PRIMPOL: variants seen among roughly 807,000 people sequenced by gnomAD.
The protein encoded by PRIMPOL is primase and DNA directed polymerase.
PRIMPOL carries 54 observed loss-of-function variants against 63.6 expected under a neutral mutation model. The observed-to-expected ratio is 0.85, with a 90% CI of 0.68 to 1.07. The LOEUF is 1.07. Among genes scored for constraint, PRIMPOL ranks in the 50% least tolerant of loss-of-function variants. PRIMPOL has a pLI of 0.00. For synonymous variants in PRIMPOL, 197 were observed against 220.2 expected, an observed-to-expected ratio of 0.89 and a Z score of 0.93; for missense variants, 610 against 648.3, an observed-to-expected ratio of 0.94 and a Z score of 0.64.
chr4:184,682,132 T>C (rs879681572), intron 8 of PRIMPOL, 116 bp from the exon 9 acceptor site: 6 of 559,376 alleles, frequency 1.1e-5, no homozygotes, highest in Admixed American at 9.6e-5. Flanking sequence ...AACAATTATC[T>C]GCTGAACAAA....
intron 11 of PRIMPOL, 103 bp from the exon 12 acceptor site, chr4:184,691,396 C>T: frequency 5.8e-6 from 4 of 684,512 alleles, no homozygotes; most frequent in South Asian, 3.8e-5. Flanking sequence ...AATTTTTCTC[C>T]ATCTTTAAGT....
chr4:184,688,041 G>T (rs1474078735), intron 11 of PRIMPOL, among the ~76,000 whole-genome samples: 1 of 152,090 alleles, frequency 6.6e-6, no homozygotes, highest in Non-Finnish European at 1.5e-5. Context: ...TGTCACTATT[G>T]TGCAGCATGC....
intron 11 of PRIMPOL, among the ~76,000 whole-genome samples, chr4:184,689,042 T>G (rs1312868675): frequency 2.0e-5 from 3 of 151,734 alleles, no homozygotes; most frequent in African/African-American, 7.3e-5. Flanking sequence ...GGATGTATAC[T>G]CTCCATTTTT....
At position 184,694,802 on chromosome 4, in the gene PRIMPOL, G is replaced by A. The variant is rs561146556; in HGVS notation, c.*23G>A. The A allele has an allele frequency of 7.2e-5, 114 of 1,581,732 alleles. 1 individual carries two copies. In the South Asian group the frequency reaches 1.2e-3, roughly 16 times the overall value. ...TAACTAATTCACTATGAACACTTTT[G>A]TCACCAGGCTATAATTTGCCTGATG... On this transcript the variant is annotated 3_prime_UTR_variant, in exon 14 of 14. Transcript: ENST00000314970.
chr4:184,691,721 A>G lies in PRIMPOL; in HGVS notation c.1425+9A>G. On this transcript the variant is annotated intron_variant, in intron 13 of 13. Coordinates refer to ENST00000314970, the MANE Select transcript of PRIMPOL (RefSeq NM_152683.4). ...TGTTTCTTTTCAAAGAGGTAAGTAC[A>G]GATTTTAGTGTCTTTCTCCTTACCA... is the stretch of plus-strand genomic sequence containing the variant. 3 of 1,604,834 alleles carry G rather than the reference A, an allele frequency of 1.9e-6. No individual in the cohort carries two copies. The highest frequency in any genetic ancestry group is 2.6e-6 in the Non-Finnish European group (3 of 1,172,594).
At chr4:184,655,536 G>T (rs1054661018) in intron 2 of PRIMPOL, among the ~76,000 whole-genome samples, 1 of 151,552 alleles carries the variant, frequency 6.6e-6, no homozygotes, top group Non-Finnish European at 1.5e-5. Context: ...TGGTCAGGCT[G>T]GTCTCGAACT....
At chr4:184,683,069 T>TAATC (rs528667805) in intron 9 of PRIMPOL, among the ~76,000 whole-genome samples, 2 of 152,074 alleles carry the variant, frequency 1.3e-5, no homozygotes, top group Non-Finnish European at 2.9e-5. Context: ...ATTAATCAAT[T>TAATC]AATCAATCAG....
chr4:184,687,088 T>G (rs1186568904), intron 11 of PRIMPOL, among the ~76,000 whole-genome samples: 1 of 152,190 alleles, frequency 6.6e-6, no homozygotes, highest in African/African-American at 2.4e-5. Context: ...TTTTATTTTC[T>G]GAGATGGAAT....
At chr4:184,675,818 A>AAAAC (rs533032193) in intron 7 of PRIMPOL, among the ~76,000 whole-genome samples, 5 of 152,158 alleles carry the variant, frequency 3.3e-5, no homozygotes, top group East Asian at 1.9e-4. Flanking sequence ...CTCAGTATCA[A>AAAAC]AAACAAACAA....
At chr4:184,660,083 A>C (rs1394118520) in intron 4 of PRIMPOL, among the ~76,000 whole-genome samples, 2 of 151,572 alleles carry the variant, frequency 1.3e-5, no homozygotes, top group Non-Finnish European at 2.9e-5. Context: ...GGCCTCCCAA[A>C]GTGTTGGGAT....
intron 11 of PRIMPOL, 69 bp from the exon 12 acceptor site, chr4:184,691,430 C>A: frequency 1.1e-6 from 1 of 878,444 alleles, no homozygotes; most frequent in Non-Finnish European, 1.8e-6. Flanking sequence ...CTTGGAACAG[C>A]ATGCAGCTGG....
chr4:184,683,447 A>G (rs1371711754), intron 9 of PRIMPOL, among the ~76,000 whole-genome samples: 1 of 152,084 alleles, frequency 6.6e-6, no homozygotes, highest in African/African-American at 2.4e-5. Context: ...AGTATTATTC[A>G]CTAATTTCAC....
At chr4:184,655,872 G>A (rs1746289337) in intron 2 of PRIMPOL, among the ~76,000 whole-genome samples, 1 of 152,156 alleles carries the variant, frequency 6.6e-6, no homozygotes, top group African/African-American at 2.4e-5. Context: ...TATTAATGAA[G>A]AGAGGAACTC....
intron 7 of PRIMPOL, among the ~76,000 whole-genome samples, chr4:184,677,529 G>C (rs28406695): frequency 0.17 from 25,420 of 152,120 alleles, 2,449 homozygotes; most frequent in African/African-American, 0.26. Context: ...AGATAGGCAC[G>C]ACACTGTCTA....
intron 3 of PRIMPOL, 147 bp from the exon 4 acceptor site, chr4:184,659,193 A>C: frequency 1.6e-6 from 1 of 630,806 alleles, no homozygotes; most frequent in Non-Finnish European, 2.8e-6. Context: ...CCTAGTGACT[A>C]TTTGTCTTGT....
Position 184,657,253 on chromosome 4 carries a change from C to G in PRIMPOL, c.113C>G (p.Pro38Arg). The G allele has an allele frequency of 6.2e-7, 1 of 1,613,744 alleles. No individual in the cohort carries two copies. Among genetic ancestry groups the G allele is most frequent in the Non-Finnish European group, 8.5e-7 (1 of 1,179,838 alleles). The change falls in exon 3 of 14, where the codon CCA becomes CGA. Residue 38 changes from proline (P) to arginine (R), a missense_variant. Pro to Arg is a moderately radical substitution (Grantham distance 103). Transcript: ENST00000314970. ...YRPRLSKPEE[P>R]PSIWRLFHRQ... ...CCAAGATTGTCCAAGCCAGAAGAAC[C>G]ACCCTCCATCTGGAGACTATTTCAT...
chr4:184,657,853 T>C (rs2720381), intron 3 of PRIMPOL, among the ~76,000 whole-genome samples: 151,467 of 151,970 alleles, frequency 1, 75,486 homozygotes, highest in Middle Eastern at 1. Context: ...ATTAGCCGGG[T>C]GTGGTGGCGT....
At chr4:184,680,790 C>T (rs912915062) in intron 8 of PRIMPOL, among the ~76,000 whole-genome samples, 1 of 152,162 alleles carries the variant, frequency 6.6e-6, no homozygotes, top group African/African-American at 2.4e-5. Context: ...TACAGCTGTG[C>T]CCAGCCCATG....
At chr4:184,678,650 C>T (rs999728609) in intron 8 of PRIMPOL, among the ~76,000 whole-genome samples, 6 of 151,544 alleles carry the variant, frequency 4.0e-5, no homozygotes, top group African/African-American at 1.5e-4. Flanking sequence ...GCCTCAGTCT[C>T]CCAAGTAGCT....
Sources: allele counts gnomAD v4.1 joint callset (sites outside exome capture counted in the v4.1 genomes callset), GRCh38; gene constraint gnomAD v4.1.1; transcripts MANE v1.5; gene names NCBI Gene and HGNC (gene_info 2026-07-23, HGNC 2026-07-21).